The following ZBTB10 variants were observed in gnomAD, a reference collection of about 807,000 sequenced individuals.
ZBTB10 encodes zinc finger and BTB domain-containing protein 10.
ZBTB10 carries 32 observed loss-of-function variants against 76.4 expected under a neutral mutation model. The ratio of observed to expected loss-of-function variants is 0.42; its 90% CI spans 0.32 to 0.56. The LOEUF (loss-of-function observed/expected upper bound fraction) is 0.56. ZBTB10 is among the 20% of genes least tolerant of loss of function. The pLI is 0.14. For missense variants in ZBTB10, 1,057 were observed against 1,098.5 expected, an observed-to-expected ratio of 0.96 and a Z score of 0.53; for synonymous variants, 523 against 432.9, an observed-to-expected ratio of 1.21 and a Z score of -2.58.
intron 1 of ZBTB10, among the ~76,000 whole-genome samples, chr8:80,497,823 C>T (rs1174174461): frequency 4.0e-5 from 6 of 151,516 alleles, no homozygotes; most frequent in African/African-American, 1.5e-4. Flanking sequence ...CACTACTGCC[C>T]AGCTAATGTT....
intron 1 of ZBTB10, among the ~76,000 whole-genome samples, chr8:80,496,553 A>T (rs1204572806): frequency 6.6e-6 from 1 of 152,180 alleles, no homozygotes; most frequent in Non-Finnish European, 1.5e-5. Context: ...TAATTTGTAC[A>T]GTTTGTGTCA....
intron 1 of ZBTB10, among the ~76,000 whole-genome samples, chr8:80,492,362 GT>G (rs954601653): frequency 2.0e-5 from 3 of 152,148 alleles, no homozygotes; most frequent in African/African-American, 7.2e-5. Context: ...AAATCTGTAT[GT>G]TTTGTTAACA....
chr8:80,504,338 G>T (rs988661050), intron 2 of ZBTB10, among the ~76,000 whole-genome samples: 3 of 152,128 alleles, frequency 2.0e-5, no homozygotes, highest in Non-Finnish European at 2.9e-5. Flanking sequence ...TTTGGCGGGG[G>T]TCTCTTCTAG....
intron 1 of ZBTB10, among the ~76,000 whole-genome samples, chr8:80,496,369 CTTTTT>C: frequency 7.9e-6 from 1 of 127,268 alleles, no homozygotes; most frequent in African/African-American, 2.9e-5. Context: ...TATGTGGTTT[CTTTTT>C]TTTTTTTTTT....
At chr8:80,510,660 GTGT>G (rs1453060171) in intron 2 of ZBTB10, among the ~76,000 whole-genome samples, 1 of 151,882 alleles carries the variant, frequency 6.6e-6, no homozygotes, top group African/African-American at 2.4e-5. Context: ...GTGTGTGTGT[GTGT>G]GTGTGTGTGT....
Position 80,519,018 on chromosome 8 carries a change from G to A in ZBTB10, c.2310+64G>A. On this transcript the variant is annotated intron_variant, in intron 5 of 5. Transcript: ENST00000455036. Reference sequence around the variant, plus strand: ...TATATTTATGTCAGTGAAGTTTAAAGGGATTTAAACAGTTAATTGTGAATT... The same window carrying A: ...TATATTTATGTCAGTGAAGTTTAAAAGGATTTAAACAGTTAATTGTGAATT... 7 of 1,500,102 alleles carry A rather than the reference G, an allele frequency of 4.7e-6. No homozygotes were observed. The South Asian group carries it at 9.3e-5, about 20-fold the overall frequency. The allele number at this position is 1,500,102 out of a possible 1,614,324, so 92.9% of individuals were successfully genotyped here.
rs1816549361 is a variant in ZBTB10, at chr8:80,525,800, TTAC to T, written c.*6275_*6277del. On this transcript the variant is annotated 3_prime_UTR_variant, in exon 6 of 6. Transcript: ENST00000455036. Reference sequence around the variant, plus strand: ...CACATAGCTTGTTGATCAAAAGTATTTACTAAGTGAGTGACAAAAGGCACTAGC... The same window carrying T: ...CACATAGCTTGTTGATCAAAAGTATTTAAGTGAGTGACAAAAGGCACTAGC... 6.6e-6 allele frequency: 1 copy of T among 152,160 alleles called. No individual in the cohort carries two copies. The highest frequency in any genetic ancestry group is 1.5e-5 in the Non-Finnish European group (1 of 68,022). 9.4% of individuals were successfully genotyped at this position (152,160 alleles called of 1,614,324 possible).
At chr8:80,492,279 T>C (rs977305865) in intron 1 of ZBTB10, among the ~76,000 whole-genome samples, 4 of 152,228 alleles carry the variant, frequency 2.6e-5, no homozygotes, top group Non-Finnish European at 5.9e-5. Context: ...GTATACCTTA[T>C]TGTGTACCTA....
upstream of ZBTB10, chr8:80,486,212 A>T: frequency 9.2e-7 from 1 of 1,084,398 alleles, no homozygotes; most frequent in Non-Finnish European, 1.1e-6. Context: ...TTGTGGGCGC[A>T]CGGTCCGTTG....
At chr8:80,501,301 G>A (rs976405774) in intron 2 of ZBTB10, among the ~76,000 whole-genome samples, 6 of 152,150 alleles carry the variant, frequency 3.9e-5, no homozygotes, top group East Asian at 1.9e-4. Flanking sequence ...CAAAAGTTCC[G>A]TAGGAATCTT....
chr8:80,519,537 C>T lies in ZBTB10; in HGVS notation c.*9C>T. On this transcript the variant is annotated 3_prime_UTR_variant, in exon 6 of 6. Transcript: ENST00000455036. Reference sequence around the variant, plus strand: ...TGTCTCTAGATGATTAACTGACCTACTATACTCCTCAAGGATGCTGCATTT... The same window carrying T: ...TGTCTCTAGATGATTAACTGACCTATTATACTCCTCAAGGATGCTGCATTT... The T allele has an allele frequency of 1.2e-6, 2 of 1,600,104 alleles. No homozygotes were observed. The highest frequency in any genetic ancestry group is 1.7e-6 in the Non-Finnish European group (2 of 1,172,638).
chr8:80,517,687 G>A (rs781207610), intron 3 of ZBTB10, among the ~76,000 whole-genome samples: 2 of 151,784 alleles, frequency 1.3e-5, no homozygotes, highest in Non-Finnish European at 1.5e-5. Context: ...TCCTGGATTC[G>A]TAATAAGGAG....
chr8:80,487,274 G>C lies in ZBTB10; in HGVS notation c.464G>C (p.Gly155Ala), dbSNP rs753220769. Reference sequence around the variant, plus strand: ...GTGTGGCCCTTGAGGCATTTCAATGGGCGAGGGCCGGCGACTGTGGATCTG... The same window carrying C: ...GTGTGGCCCTTGAGGCATTTCAATGCGCGAGGGCCGGCGACTGTGGATCTG... ...TSVWPLRHFN[G>A]RGPATVDLEL... Residue 155 changes from glycine to alanine, a missense_variant, in exon 1 of 6, where the codon GGG (glycine) becomes GCG (alanine). Around this residue, in one of 5 missense-constraint regions of ZBTB10, gnomAD observed 556 missense variants for 451.7 expected, o/e 1.23. Transcript: ENST00000455036. 1.7e-5 allele frequency: 26 copies of C among 1,550,348 alleles called. No homozygotes were observed. Among genetic ancestry groups the C allele is most frequent in the Non-Finnish European group, 3.5e-6 (4 of 1,148,006 alleles).
intron 1 of ZBTB10, among the ~76,000 whole-genome samples, chr8:80,497,806 C>T (rs1193025548): frequency 6.7e-6 from 1 of 150,032 alleles, no homozygotes; most frequent in African/African-American, 2.5e-5. Context: ...ACATTACAGG[C>T]GTGCCCCACT....
Position 80,518,548 on chromosome 8 carries a change from A to G in ZBTB10, c.2106A>G (p.Glu702=), listed in dbSNP as rs753873939. The part of the protein sequence containing the change: ...SNDFKYGLLP[E]SWPKQETWEN... ...ATTTCAAGTATGGATTATTGCCAGA[A>G]TCTTGGCCAAAACAAGAAACCTGGG... Residue 702 remains glutamate (E), a synonymous_variant, in exon 4 of 6, where the codon GAA becomes GAG. Transcript: ENST00000455036. The G allele has an allele frequency of 6.4e-7, 1 of 1,551,930 alleles. No individual in the cohort carries two copies. The highest frequency in any genetic ancestry group is 1.4e-5 in the African/African-American group (1 of 73,194).
At position 80,519,657 on chromosome 8, in the gene ZBTB10, T is replaced by A; in HGVS notation, c.*129T>A. On this transcript the variant is annotated 3_prime_UTR_variant, in exon 6 of 6. Transcript: ENST00000455036. Reference sequence around the variant, plus strand: ...AGTAGTTATGTTGCTGTGAAAACTGTAGGGTCAAAGCCTTATAGCAAAAAA... The same window carrying A: ...AGTAGTTATGTTGCTGTGAAAACTGAAGGGTCAAAGCCTTATAGCAAAAAA... The A allele has an allele frequency of 8.7e-7, 1 of 1,147,630 alleles. No homozygotes were observed. 71.1% of individuals were successfully genotyped at this position (1,147,630 alleles called of 1,614,324 possible).
At chr8:80,509,493 G>C (rs565044227) in intron 2 of ZBTB10, among the ~76,000 whole-genome samples, 80 of 152,222 alleles carry the variant, frequency 5.3e-4, no homozygotes, top group Admixed American at 1.8e-3. Context: ...ACTCAGTCTT[G>C]TTTAATTTAG....
rs1279040810 is a variant in ZBTB10, at chr8:80,497,768, A to G, written c.973-1726A>G. ...AGTGGCATGATCTTGGCTCACCACA[A>G]CCTCTGCCTCAGCCTCCCAAGTAGC... On this transcript the variant is annotated intron_variant, in intron 1 of 5. Transcript: ENST00000455036. Among the ~76,000 whole-genome samples, 5 of 144,732 alleles carry G rather than the reference A, an allele frequency of 3.5e-5. No homozygotes were observed. In the East Asian group the frequency reaches 1.0e-3, roughly 29 times the overall value. The allele number at this position is 144,732 out of a possible 152,430, so 94.9% of individuals were successfully genotyped here.
intron 1 of ZBTB10, 67 bp from the exon 2 acceptor site, chr8:80,499,427 T>C: frequency 7.0e-7 from 1 of 1,434,028 alleles, no homozygotes; most frequent in Non-Finnish European, 9.3e-7. Context: ...ATAATTGTTT[T>C]CCTTGGTTTG....
Sources: allele counts gnomAD v4.1 joint callset (sites outside exome capture counted in the v4.1 genomes callset), GRCh38; gene constraint gnomAD v4.1.1; regional missense constraint gnomAD v4.1.1; transcripts MANE v1.5; gene names NCBI Gene and HGNC (gene_info 2026-07-23, HGNC 2026-07-21).